Variants in TENM2 observed in about 807,000 individuals in gnomAD.
The protein encoded by TENM2 is teneurin transmembrane protein 2.
A neutral mutation model predicts 245.2 loss-of-function variants in TENM2; 52 were observed. The observed-to-expected ratio is 0.21, with a 90% confidence interval of 0.17 to 0.27. The LOEUF is 0.27. Ranked by LOEUF, TENM2 falls within the 10% of genes least tolerant of loss-of-function variation. TENM2 has a pLI of 1.00. For synonymous variants in TENM2, 1,363 were observed against 1,438.9 expected (o/e 0.95, Z 1.19); for missense variants, 3,046 against 3,666.8 (o/e 0.83, Z 4.37).
intron 2 of TENM2, among the ~76,000 whole-genome samples, chr5:167,423,726 T>G (rs1763646978): frequency 6.6e-6 from 1 of 152,182 alleles, no homozygotes; most frequent in African/African-American, 2.4e-5. Context: ...GACACATCTA[T>G]CTCTAGGATG....
At chr5:167,824,128 A>G (rs549113527) in intron 2 of TENM2, among the ~76,000 whole-genome samples, 7 of 152,204 alleles carry the variant, frequency 4.6e-5, no homozygotes, top group Non-Finnish European at 1.0e-4. Flanking sequence ...GTCGTCCTTC[A>G]TGACCACCAT....
intron 3 of TENM2, among the ~76,000 whole-genome samples, chr5:167,939,935 C>T (rs554664921): frequency 6.6e-6 from 1 of 152,258 alleles, no homozygotes; most frequent in East Asian, 1.9e-4. Context: ...TCCTGTTAGT[C>T]AGAGTTTGGA....
intron 1 of TENM2, among the ~76,000 whole-genome samples, chr5:167,371,528 A>C (rs1436325490): frequency 1.3e-5 from 2 of 151,172 alleles, no homozygotes; most frequent in South Asian, 4.2e-4. Flanking sequence ...CACCCGGCTA[A>C]TTTTGTATTT....
At chr5:167,031,638 C>T in the TENM2 span, among the ~76,000 whole-genome samples, 1 of 152,158 alleles carries the variant, frequency 6.6e-6, no homozygotes, top group African/African-American at 2.4e-5. Context: ...CATCTCGGCT[C>T]ACTGCAATCC....
Position 168,199,003 on chromosome 5 carries a change from C to T in TENM2, c.3051C>T (p.Pro1017=), listed in dbSNP as rs767158225. 5 of 1,614,030 alleles carry T rather than the reference C, an allele frequency of 3.1e-6. No individual in the cohort carries two copies. The South Asian group carries it at 4.4e-5, about 14-fold the overall frequency. ...TGAAGACCGAGGAGAACTCCATCCCCAGCTGTGACCTCAGTGGCTTTGTCC... is the reference window on the plus strand; with the variant it reads ...TGAAGACCGAGGAGAACTCCATCCCTAGCTGTGACCTCAGTGGCTTTGTCC... Residue 1017 remains proline (P), a synonymous_variant, in exon 16 of 29, where the codon CCC becomes CCT. Coordinates refer to ENST00000518659, the Ensembl canonical transcript of TENM2.
At chr5:167,596,633 A>T (rs1265099300) in intron 2 of TENM2, among the ~76,000 whole-genome samples, 3 of 152,140 alleles carry the variant, frequency 2.0e-5, no homozygotes, top group African/African-American at 7.2e-5. Context: ...CGTCTGTACT[A>T]AAAACACAAA....
At chr5:167,535,081 TA>T (rs1189792770) in intron 2 of TENM2, among the ~76,000 whole-genome samples, 1 of 152,104 alleles carries the variant, frequency 6.6e-6, no homozygotes, top group Admixed American at 6.6e-5. Context: ...CAAGTTGGGA[TA>T]ACTTTTCAGT....
the TENM2 span, among the ~76,000 whole-genome samples, chr5:167,140,556 A>C: frequency 6.6e-6 from 1 of 152,194 alleles, no homozygotes; most frequent in African/African-American, 2.4e-5. Context: ...GAATTATTTC[A>C]TATTAATAAA....
intron 2 of TENM2, among the ~76,000 whole-genome samples, chr5:167,618,402 C>A (rs1391671514): frequency 6.6e-6 from 1 of 152,044 alleles, no homozygotes; most frequent in Non-Finnish European, 1.5e-5. Context: ...TAGTTATCAA[C>A]ACCGGAGATG....
intron 2 of TENM2, among the ~76,000 whole-genome samples, chr5:167,483,496 T>A (rs867163845): frequency 6.6e-6 from 1 of 152,354 alleles, no homozygotes; most frequent in Middle Eastern, 3.4e-3. Flanking sequence ...GGCATTTAAA[T>A]TTGAAGCCTA....
chr5:167,659,155 G>T (rs1358468967), intron 2 of TENM2, among the ~76,000 whole-genome samples: 2 of 152,194 alleles, frequency 1.3e-5, no homozygotes, highest in African/African-American at 4.8e-5. Flanking sequence ...TTTATAGATT[G>T]CAATGATTAT....
chr5:167,996,502 T>G (rs1784058394), intron 5 of TENM2, among the ~76,000 whole-genome samples: 1 of 152,214 alleles, frequency 6.6e-6, no homozygotes, highest in Non-Finnish European at 1.5e-5. Context: ...GACTTTCCTC[T>G]CAGGAAGGTG....
the TENM2 span, among the ~76,000 whole-genome samples, chr5:167,275,485 C>T: frequency 6.6e-6 from 1 of 152,024 alleles, no homozygotes; most frequent in Non-Finnish European, 1.5e-5. Flanking sequence ...GTCCTTCAAT[C>T]CATGACACAA....
At chr5:168,019,559 A>G (rs1312935216) in intron 5 of TENM2, among the ~76,000 whole-genome samples, 1 of 152,240 alleles carries the variant, frequency 6.6e-6, no homozygotes, top group Non-Finnish European at 1.5e-5. Context: ...AATTCAGTCC[A>G]TTGATCAGCC....
At chr5:167,025,618 C>T in the TENM2 span, among the ~76,000 whole-genome samples, 2 of 152,128 alleles carry the variant, frequency 1.3e-5, no homozygotes, top group Non-Finnish European at 2.9e-5. Flanking sequence ...TTTCCAGTAT[C>T]ACAGAATGCT....
chr5:167,577,307 C>T (rs934083944), intron 2 of TENM2, among the ~76,000 whole-genome samples: 2 of 152,098 alleles, frequency 1.3e-5, no homozygotes, highest in African/African-American at 4.8e-5. Context: ...AAGGGTGTAA[C>T]CTATGTTGGA....
the TENM2 span, among the ~76,000 whole-genome samples, chr5:167,037,860 A>T: frequency 6.6e-6 from 1 of 152,216 alleles, no homozygotes; most frequent in Admixed American, 6.5e-5. Context: ...TCTCTTAGGC[A>T]CAGAGGGTTC....
chr5:167,469,909 A>G (rs1438347561), intron 2 of TENM2, among the ~76,000 whole-genome samples: 1 of 152,144 alleles, frequency 6.6e-6, no homozygotes, highest in Non-Finnish European at 1.5e-5. Context: ...TTGTTTCATC[A>G]TAATCTTATA....
the TENM2 span, among the ~76,000 whole-genome samples, chr5:167,133,326 G>C: frequency 3.9e-5 from 6 of 152,170 alleles, no homozygotes; most frequent in Admixed American, 3.9e-4. Flanking sequence ...CTCTCTGAGT[G>C]GGGTATGTCT....
Sources: allele counts gnomAD v4.1 joint callset (sites outside exome capture counted in the v4.1 genomes callset), GRCh38; gene constraint gnomAD v4.1.1; transcripts MANE v1.5; gene names NCBI Gene and HGNC (gene_info 2026-07-23, HGNC 2026-07-21).